XYLT1: variants seen among roughly 807,000 people sequenced by gnomAD.
The protein encoded by XYLT1 is beta-D-xylosyltransferase 1.
Under a neutral mutation model 91.3 loss-of-function variants are expected in XYLT1, and 36 were observed. The ratio of observed to expected loss-of-function variants is 0.39; its 90% CI spans 0.30 to 0.52. The LOEUF (loss-of-function observed/expected upper bound fraction) is 0.52, where lower values mean the gene tolerates loss of function less well. Among genes scored for constraint, XYLT1 ranks in the 20% least tolerant of loss-of-function variants. XYLT1 has a pLI of 0.68. For synonymous variants in XYLT1, 588 were observed against 532.0 expected (o/e 1.11, Z -1.45); for missense variants, 1,242 against 1,284.5 (o/e 0.97, Z 0.51).
At chr16:17,342,425 C>CA (rs1182534083) in intron 2 of XYLT1, among the ~76,000 whole-genome samples, 1 of 152,126 alleles carries the variant, frequency 6.6e-6, no homozygotes, top group Admixed American at 6.5e-5. Flanking sequence ...CATGACATAT[C>CA]AACATGCATT....
Position 17,259,388 on chromosome 16 carries a change from C to A in XYLT1, c.513G>T (p.Arg171Ser), listed in dbSNP as rs199850343. 3 of 1,614,178 alleles carry A rather than the reference C, an allele frequency of 1.9e-6. No homozygotes were observed. Among genetic ancestry groups the A allele is most frequent in the East Asian group, 2.2e-5 (1 of 44,884 alleles). The change falls in exon 3 of 12, where the codon AGG becomes AGT. Residue 171 changes from arginine (R) to serine (S), a missense_variant. Coordinates refer to ENST00000261381, the MANE Select transcript of XYLT1 (RefSeq NM_022166.4). Reference sequence around the variant, plus strand: ...CAGGCTGGTGCTTCTGCTTTTGAGTCCTGGGTGCGAAGTTGCTGTTGTCGA... The same window carrying A: ...CAGGCTGGTGCTTCTGCTTTTGAGTACTGGGTGCGAAGTTGCTGTTGTCGA... ...ENVDNSNFAP[R>S]TQKQKHQPEL... is the part of the protein sequence containing the mutation.
At chr16:17,167,510 T>C (rs7188786) in intron 5 of XYLT1, among the ~76,000 whole-genome samples, 1,838 of 150,014 alleles carry the variant, frequency 0.012, 14 homozygotes, top group Middle Eastern at 0.024. Context: ...ATCTCGTGAA[T>C]GGGTTCTAAC....
chr16:17,225,936 C>T (rs1567331273), intron 3 of XYLT1, among the ~76,000 whole-genome samples: 1 of 152,050 alleles, frequency 6.6e-6, no homozygotes, highest in Non-Finnish European at 1.5e-5. Flanking sequence ...TTGTAAATTA[C>T]ATATTTACCT....
chr16:17,361,554 C>T (rs1239300662), intron 1 of XYLT1, among the ~76,000 whole-genome samples: 2 of 152,202 alleles, frequency 1.3e-5, no homozygotes, highest in South Asian at 2.1e-4. Flanking sequence ...GAAATTACTA[C>T]AGCTAACAGC....
intron 3 of XYLT1, chr16:17,250,046 CAT>C (rs1388495048): frequency 6.6e-6 from 1 of 152,258 alleles, no homozygotes; most frequent in African/African-American, 2.4e-5. Flanking sequence ...TCAAATAAAT[CAT>C]AGAGTCATAT....
intron 1 of XYLT1, among the ~76,000 whole-genome samples, chr16:17,461,791 C>T (rs542498302): frequency 6.6e-6 from 1 of 152,328 alleles, no homozygotes; most frequent in South Asian, 2.1e-4. Flanking sequence ...CACCACCCAA[C>T]TTCAATTTCT....
At chr16:17,396,293 T>A (rs1385217053) in intron 1 of XYLT1, among the ~76,000 whole-genome samples, 2 of 152,156 alleles carry the variant, frequency 1.3e-5, no homozygotes, top group Admixed American at 6.5e-5. Flanking sequence ...ACCTGCTGGG[T>A]GAGCCATAGA....
intron 3 of XYLT1, among the ~76,000 whole-genome samples, chr16:17,232,920 C>A (rs1454146070): frequency 6.6e-6 from 1 of 152,056 alleles, no homozygotes; most frequent in Non-Finnish European, 1.5e-5. Flanking sequence ...AAGACTACGA[C>A]GTTTTCACTG....
intron 5 of XYLT1, among the ~76,000 whole-genome samples, chr16:17,171,004 TAATGA>T (rs1355498931): frequency 6.6e-6 from 1 of 152,138 alleles, no homozygotes; most frequent in Non-Finnish European, 1.5e-5. Context: ...GTTGAAGATG[TAATGA>T]AATAAGAGGG....
At chr16:17,131,652 G>A (rs1057321169) in intron 9 of XYLT1, among the ~76,000 whole-genome samples, 6 of 151,944 alleles carry the variant, frequency 3.9e-5, no homozygotes, top group African/African-American at 1.5e-4. Context: ...CTCTCAACCT[G>A]CCATTTCAGA....
At chr16:17,187,264 C>T (rs1378560435) in intron 5 of XYLT1, among the ~76,000 whole-genome samples, 2 of 151,596 alleles carry the variant, frequency 1.3e-5, no homozygotes, top group Non-Finnish European at 2.9e-5. Context: ...CATGGTGGCA[C>T]GTGCCTGTAA....
At chr16:17,131,643 T>G (rs777389832) in intron 9 of XYLT1, among the ~76,000 whole-genome samples, 2 of 152,114 alleles carry the variant, frequency 1.3e-5, no homozygotes, top group African/African-American at 2.4e-5. Flanking sequence ...ACTCTGATTC[T>G]CTCAACCTGC....
At chr16:17,422,992 C>T (rs990093447) in intron 1 of XYLT1, among the ~76,000 whole-genome samples, 1 of 152,136 alleles carries the variant, frequency 6.6e-6, no homozygotes, top group Non-Finnish European at 1.5e-5. Context: ...CTTTTTTAGC[C>T]CTGCAAAGTC....
At chr16:17,273,715 G>A (rs557573197) in intron 2 of XYLT1, among the ~76,000 whole-genome samples, 1 of 151,834 alleles carries the variant, frequency 6.6e-6, no homozygotes, top group South Asian at 2.1e-4. Context: ...GTAGTGGTGG[G>A]TGCCTGTAAT....
intron 1 of XYLT1, among the ~76,000 whole-genome samples, chr16:17,404,151 G>T (rs1483610741): frequency 6.6e-6 from 1 of 152,134 alleles, no homozygotes; most frequent in East Asian, 1.9e-4. Context: ...ACCCAGGAGG[G>T]ACTCAGGGCC....
At chr16:17,410,806 C>T (rs1442343115) in intron 1 of XYLT1, among the ~76,000 whole-genome samples, 1 of 152,062 alleles carries the variant, frequency 6.6e-6, no homozygotes, top group African/African-American at 2.4e-5. Flanking sequence ...GCATGCCCGG[C>T]TAATTTTGTA....
chr16:17,390,421 G>A (rs1567185438), intron 1 of XYLT1, among the ~76,000 whole-genome samples: 3 of 152,210 alleles, frequency 2.0e-5, no homozygotes, highest in African/African-American at 7.2e-5. Context: ...AAGCATGGAG[G>A]AGGCACCTTC....
intron 1 of XYLT1, among the ~76,000 whole-genome samples, chr16:17,421,665 C>T (rs367996571): frequency 8.5e-5 from 13 of 152,172 alleles, no homozygotes; most frequent in Admixed American, 2.0e-4. Context: ...GACAGACGGA[C>T]GATAAAGTCT....
intron 2 of XYLT1, 131 bp from the exon 3 acceptor site, chr16:17,259,629 G>A (rs762667461): frequency 9.1e-7 from 1 of 1,099,724 alleles, no homozygotes; most frequent in Non-Finnish European, 1.3e-6. Flanking sequence ...TTTTGCTACT[G>A]GTTTAACCTC....
Sources: allele counts gnomAD v4.1 joint callset (sites outside exome capture counted in the v4.1 genomes callset), GRCh38; gene constraint gnomAD v4.1.1; transcripts MANE v1.5; gene names NCBI Gene and HGNC (gene_info 2026-07-23, HGNC 2026-07-21).